The following ROBO1 variants were observed in gnomAD, a reference collection of about 807,000 sequenced individuals.
ROBO1 encodes roundabout homolog 1.
A neutral mutation model predicts 195.9 loss-of-function variants in ROBO1; 149 were observed. The ratio of observed to expected loss-of-function variants is 0.76; its 90% CI spans 0.67 to 0.87. The LOEUF is 0.87. Ranked by LOEUF, ROBO1 falls within the 40% of genes least tolerant of loss-of-function variation. The pLI is 0.00. For missense variants in ROBO1, 1,933 were observed against 2,068.3 expected, an observed-to-expected ratio of 0.93 and a Z score of 1.27; for synonymous variants, 816 against 733.2, an observed-to-expected ratio of 1.11 and a Z score of -1.82.
rs2032740664 is a variant in ROBO1, at chr3:79,298,969, T to C, written c.89-173430A>G. ...ATATAATGAAAATTTAATGGTTGCA[T>C]AGGATATGAACAGTTCCTTTGAGAT... On this transcript the variant is annotated intron_variant, in intron 2 of 30. Coordinates refer to ENST00000464233, the MANE Select transcript of ROBO1 (RefSeq NM_002941.4). Among the ~76,000 whole-genome samples, 3 of 152,248 alleles carry C rather than the reference T, an allele frequency of 2.0e-5. No individual in the cohort carries two copies. In the South Asian group the frequency reaches 6.2e-4, roughly 32 times the overall value.
intron 1 of ROBO1, among the ~76,000 whole-genome samples, chr3:79,650,677 A>T (rs922639869): frequency 1.4e-4 from 21 of 151,998 alleles, no homozygotes; most frequent in African/African-American, 5.1e-4. Context: ...GAATACCATA[A>T]ATAATGAAAT....
At chr3:79,568,797 T>C (rs2107737755) in intron 2 of ROBO1, among the ~76,000 whole-genome samples, 1 of 152,282 alleles carries the variant, frequency 6.6e-6, no homozygotes, top group African/African-American at 2.4e-5. Flanking sequence ...ATACAAATTA[T>C]TTTTAAGTAA....
At chr3:78,860,326 A>ATATATATATATATATATTTTT (rs376853384) in intron 4 of ROBO1, among the ~76,000 whole-genome samples, 2 of 93,506 alleles carry the variant, frequency 2.1e-5, no homozygotes, top group African/African-American at 9.0e-5. Flanking sequence ...ATATATATAT[A>ATATATATATATATATATTTTT]TTTTTTTTTT....
intron 2 of ROBO1, among the ~76,000 whole-genome samples, chr3:79,508,648 A>G (rs983536968): frequency 6.6e-6 from 1 of 152,232 alleles, no homozygotes; most frequent in African/African-American, 2.4e-5. Flanking sequence ...ACGTTTGATT[A>G]AAATTTGTGT....
intron 4 of ROBO1, among the ~76,000 whole-genome samples, chr3:78,833,267 G>A (rs529419902): frequency 2.6e-5 from 4 of 152,254 alleles, no homozygotes; most frequent in South Asian, 2.1e-4. Context: ...AAAGTAAGCC[G>A]TGTTTCACAG....
chr3:79,199,498 A>T (rs2081719072), intron 2 of ROBO1, among the ~76,000 whole-genome samples: 2 of 151,762 alleles, frequency 1.3e-5, no homozygotes, highest in African/African-American at 4.8e-5. Context: ...TAGGTGTATT[A>T]ATTCACCTTC....
intron 1 of ROBO1, among the ~76,000 whole-genome samples, chr3:79,748,083 A>G (rs1374406471): frequency 2.6e-5 from 4 of 152,104 alleles, no homozygotes; most frequent in Non-Finnish European, 5.9e-5. Context: ...ATTAAAGTAT[A>G]TTGGTACTTC....
intron 2 of ROBO1, among the ~76,000 whole-genome samples, chr3:79,277,597 T>C (rs1209213955): frequency 6.6e-6 from 1 of 152,058 alleles, no homozygotes; most frequent in Non-Finnish European, 1.5e-5. Flanking sequence ...TAATTTATTG[T>C]ACATTTAAAA....
In ROBO1 at chr3:78,597,583, C is replaced by G. The variant is rs997006236; in HGVS notation, c.*1330G>C. 3.3e-5 allele frequency: 5 copies of G among 151,964 alleles called. No individual in the cohort carries two copies. Among genetic ancestry groups the G allele is most frequent in the Admixed American group, 3.3e-4 (5 of 15,244 alleles). The allele number at this position is 151,964 out of a possible 1,614,324, so 9.4% of individuals were successfully genotyped here. On this transcript the variant is annotated 3_prime_UTR_variant, in exon 31 of 31. Transcript: ENST00000464233. ...CACCAATTATAAAATCAATGATATT[C>G]ATAAAATGACAAAAAAGGATCATAG...
chr3:78,765,385 A>G (rs414996), intron 4 of ROBO1, among the ~76,000 whole-genome samples: 151,487 of 151,978 alleles, frequency 1, 75,503 homozygotes, highest in Middle Eastern at 1. Context: ...ATATAGAAAC[A>G]TAAAATTTAT....
intron 1 of ROBO1, among the ~76,000 whole-genome samples, chr3:79,639,133 T>G (rs1945582148): frequency 6.6e-6 from 1 of 152,184 alleles, no homozygotes; most frequent in Non-Finnish European, 1.5e-5. Flanking sequence ...TTTCTGATTG[T>G]ATTACTAATT....
At chr3:78,972,388 C>T (rs952395598) in intron 3 of ROBO1, among the ~76,000 whole-genome samples, 3 of 152,086 alleles carry the variant, frequency 2.0e-5, no homozygotes, top group African/African-American at 4.8e-5. Flanking sequence ...AATGGATCCA[C>T]GGATTTACCT....
intron 4 of ROBO1, among the ~76,000 whole-genome samples, chr3:78,920,624 GTTTTTTTTTTTTT>G (rs34364869): frequency 1.6e-5 from 1 of 60,960 alleles, no homozygotes; most frequent in Non-Finnish European, 3.0e-5. Flanking sequence ...CTTTCTTTCA[GTTTTTTTTTTTTT>G]TTTTTTTTTT....
intron 3 of ROBO1, among the ~76,000 whole-genome samples, chr3:79,057,654 C>A (rs1002250243): frequency 6.6e-6 from 1 of 152,058 alleles, no homozygotes; most frequent in African/African-American, 2.4e-5. Flanking sequence ...TCTCTTCCTC[C>A]TTCAGCACTG....
At chr3:79,061,004 A>G (rs544723554) in intron 3 of ROBO1, among the ~76,000 whole-genome samples, 1 of 152,288 alleles carries the variant, frequency 6.6e-6, no homozygotes, top group South Asian at 2.1e-4. Context: ...GGCCAGGGCA[A>G]TCAGGCCAAG....
chr3:78,724,302 A>G (rs1436486735), intron 5 of ROBO1, among the ~76,000 whole-genome samples: 6 of 152,128 alleles, frequency 3.9e-5, no homozygotes, highest in Non-Finnish European at 7.4e-5. Context: ...TTCAATAAAC[A>G]AAAGAACAGA....
intron 1 of ROBO1, among the ~76,000 whole-genome samples, chr3:79,741,796 A>AGCTG (rs1393158085): frequency 6.6e-6 from 1 of 152,226 alleles, no homozygotes; most frequent in East Asian, 1.9e-4. Flanking sequence ...TGATGTGGAC[A>AGCTG]ATAAAGTCCA....
intron 3 of ROBO1, among the ~76,000 whole-genome samples, chr3:79,040,626 T>C (rs1456860298): frequency 6.6e-6 from 1 of 152,166 alleles, no homozygotes; most frequent in Non-Finnish European, 1.5e-5. Flanking sequence ...TTCACTCTCA[T>C]GACATTAAAT....
At chr3:78,693,958 C>T (rs2081232453) in intron 8 of ROBO1, among the ~76,000 whole-genome samples, 2 of 152,216 alleles carry the variant, frequency 1.3e-5, no homozygotes, top group South Asian at 2.1e-4. Flanking sequence ...TTTTAACAAG[C>T]ATCCAAGTTT....
Sources: gnomAD v4.1 joint callset for allele counts (sites outside exome capture counted in the v4.1 genomes callset) on GRCh38, gnomAD v4.1.1 for gene constraint, MANE v1.5 for transcripts, NCBI Gene and HGNC (gene_info 2026-07-23, HGNC 2026-07-21) for gene names.